The following PCDHA13 variants were observed in gnomAD, a reference collection of about 807,000 sequenced individuals.
PCDHA13 encodes the protein protocadherin alpha-13.
In PCDHA13, 54 loss-of-function variants were observed where a neutral mutation model predicts 64.8. The observed-to-expected ratio is 0.83, with a 90% CI of 0.67 to 1.04. The LOEUF (loss-of-function observed/expected upper bound fraction) is 1.04. Among genes scored for constraint, PCDHA13 ranks in the 50% least tolerant of loss-of-function variants. PCDHA13 has a pLI of 0.00. For missense variants in PCDHA13, 1,248 were observed against 1,254.3 expected (o/e 0.99, Z 0.08); for synonymous variants, 587 against 564.4 (o/e 1.04, Z -0.57).
intron 1 of PCDHA13, chr5:140,929,943 A>C (rs996777609): frequency 1.3e-5 from 2 of 152,224 alleles, no homozygotes; most frequent in African/African-American, 4.8e-5. Flanking sequence ...TCTCTAGCCT[A>C]TACTTTTAAT....
At chr5:140,897,258 G>A (rs1008292814) in intron 1 of PCDHA13, among the ~76,000 whole-genome samples, 1 of 151,682 alleles carries the variant, frequency 6.6e-6, no homozygotes, top group African/African-American at 2.4e-5. Flanking sequence ...ATGTATACAT[G>A]TGCCATGCTG....
chr5:140,932,687 T>A (rs1285364025), intron 1 of PCDHA13, among the ~76,000 whole-genome samples: 2 of 151,810 alleles, frequency 1.3e-5, no homozygotes, highest in Non-Finnish European at 2.9e-5. Context: ...TATATTCAAA[T>A]TAAAAAACTC....
intron 1 of PCDHA13, among the ~76,000 whole-genome samples, chr5:140,946,403 CATAGAA>C (rs1425933072): frequency 1.3e-5 from 2 of 151,512 alleles, no homozygotes; most frequent in African/African-American, 2.4e-5. Flanking sequence ...TTAGTACAAT[CATAGAA>C]AACAATATGG....
At chr5:140,897,833 C>T (rs1366388258) in intron 1 of PCDHA13, among the ~76,000 whole-genome samples, 14 of 152,138 alleles carry the variant, frequency 9.2e-5, no homozygotes, top group African/African-American at 3.4e-4. Flanking sequence ...TATTTCTCCA[C>T]ATCCTCTCCA....
intron 1 of PCDHA13, among the ~76,000 whole-genome samples, chr5:140,909,018 A>AT: frequency 6.6e-6 from 1 of 152,230 alleles, no homozygotes; most frequent in East Asian, 1.9e-4. Context: ...AGGTTCCTGA[A>AT]TTTTAGTCAT....
chr5:140,886,373 G>A (rs2060960480), intron 1 of PCDHA13, among the ~76,000 whole-genome samples: 2 of 152,042 alleles, frequency 1.3e-5, no homozygotes. Context: ...ACATGCCATG[G>A]TGTGCTTATC....
At chr5:140,886,107 G>T (rs1340579685) in intron 1 of PCDHA13, among the ~76,000 whole-genome samples, 2 of 152,142 alleles carry the variant, frequency 1.3e-5, no homozygotes, top group Non-Finnish European at 2.9e-5. Flanking sequence ...ATACAGTAAA[G>T]AAGTAACATA....
At chr5:140,917,354 G>T (rs148449289) in intron 1 of PCDHA13, among the ~76,000 whole-genome samples, 7 of 143,854 alleles carry the variant, frequency 4.9e-5, no homozygotes, top group African/African-American at 1.8e-4. Flanking sequence ...GTAGGCTTCT[G>T]TTCCACTATC....
rs1215041869 is a variant in PCDHA13, at chr5:141,010,411, G to T, written c.*474G>T. ...TGAGACGAGCCAGCTTAGACTAATT[G>T]GTACAAGGAAGGCAAGAAAACAAAG... On this transcript the variant is annotated 3_prime_UTR_variant, in exon 4 of 4. Transcript: ENST00000289272. 4.1e-6 allele frequency: 5 copies of T among 1,224,236 alleles called. No individual in the cohort carries two copies. The highest frequency in any genetic ancestry group is 4.4e-6 in the Non-Finnish European group (4 of 905,798). The allele number at this position is 1,224,236 out of a possible 1,614,324, so 75.8% of individuals were successfully genotyped here. A position where few individuals can be genotyped will look rare whatever the true frequency, so the allele number is the denominator to read the frequency against.
rs548122977 is a variant in PCDHA13 at position 141,010,588 on chromosome 5, T to C, written c.*651T>C. ...AGGCTTTAGGAGACCCTAAAGTCTG[T>C]TGGCTGTGACGTCATTATACCTAAA... On this transcript the variant is annotated 3_prime_UTR_variant, in exon 4 of 4. Coordinates refer to ENST00000289272, the MANE Select transcript of PCDHA13 (RefSeq NM_018904.3). 5 of 233,334 alleles carry C rather than the reference T, an allele frequency of 2.1e-5. No individual in the cohort carries two copies. In the East Asian group the frequency reaches 4.8e-4, roughly 22 times the overall value. 14.5% of individuals were successfully genotyped at this position (233,334 alleles called of 1,614,324 possible).
intron 1 of PCDHA13, among the ~76,000 whole-genome samples, chr5:140,891,122 G>A (rs572236105): frequency 1.3e-5 from 2 of 152,256 alleles, no homozygotes; most frequent in African/African-American, 4.8e-5. Flanking sequence ...CAATCTAAAT[G>A]TCATTCCTTT....
chr5:140,898,794 T>C (rs1487494121), intron 1 of PCDHA13, among the ~76,000 whole-genome samples: 4 of 152,236 alleles, frequency 2.6e-5, no homozygotes, highest in Non-Finnish European at 4.4e-5. Context: ...ATGGCCATTT[T>C]CACGATACTG....
intron 3 of PCDHA13, among the ~76,000 whole-genome samples, chr5:140,997,511 G>T (rs565737825): frequency 6.6e-6 from 1 of 151,992 alleles, no homozygotes; most frequent in Non-Finnish European, 1.5e-5. Flanking sequence ...ATACCTAAAC[G>T]CAGAAAAAGT....
chr5:140,904,170 A>T (rs2070892349), intron 1 of PCDHA13, among the ~76,000 whole-genome samples: 1 of 151,964 alleles, frequency 6.6e-6, no homozygotes. Context: ...GTAGTCTTTT[A>T]TTCCTCACCC....
chr5:140,935,894 C>CTTT lies in PCDHA13; in HGVS notation c.2395-43041_2395-43039dup, dbSNP rs55841305. Among the ~76,000 whole-genome samples, 1,154 of 136,734 alleles carry CTTT rather than the reference C, an allele frequency of 8.4e-3. 14 individuals carry two copies. Among genetic ancestry groups the CTTT allele is most frequent in the East Asian group, 0.025 (118 of 4,726 alleles). 89.7% of individuals were successfully genotyped at this position (136,734 alleles called of 152,430 possible). On this transcript the variant is annotated intron_variant, in intron 1 of 3. Coordinates refer to ENST00000289272, the MANE Select transcript of PCDHA13 (RefSeq NM_018904.3). ...ATGAGCTCCAATTTATCAATATTAT[C>CTTT]TTTTTTTTTTTTTTTTGAGACAGAT...
intron 1 of PCDHA13, chr5:140,928,385 T>G: frequency 6.2e-7 from 1 of 1,614,046 alleles, no homozygotes; most frequent in Middle Eastern, 1.7e-4. Flanking sequence ...TCTAGCTTGC[T>G]GGCAGTGGAA....
At position 140,906,503 on chromosome 5, in the gene PCDHA13, AAAG is replaced by A. The variant is rs537708204; in HGVS notation, c.2394+21845_2394+21847del. Among the ~76,000 whole-genome samples the A allele has an allele frequency of 2.0e-5, 3 of 152,376 alleles. No homozygotes were observed. The South Asian group carries it at 6.2e-4, about 32-fold the overall frequency. On this transcript the variant is annotated intron_variant, in intron 1 of 3. Transcript: ENST00000289272. The stretch of plus-strand genomic sequence containing the variant: ...ATAAATGCACAAACATGTTTTTAAC[AAAG>A]AAGGAGGAAATACTCACGACAATTA...
chr5:140,928,616 G>A, intron 1 of PCDHA13: 2 of 1,614,226 alleles, frequency 1.2e-6, no homozygotes, highest in Non-Finnish European at 8.5e-7. Flanking sequence ...CGCTCTGCCA[G>A]GACTGGACAC....
chr5:141,009,863 A>G lies in PCDHA13; in HGVS notation c.2779A>G (p.Lys927Glu). 1 of 1,614,104 alleles carries G rather than the reference A, an allele frequency of 6.2e-7. No homozygotes were observed. Among genetic ancestry groups the G allele is most frequent in the Non-Finnish European group, 8.5e-7 (1 of 1,180,006 alleles). Residue 927 changes from lysine to glutamate, a missense_variant, in exon 4 of 4, where the codon AAA becomes GAA. Coordinates refer to ENST00000289272, the MANE Select transcript of PCDHA13 (RefSeq NM_018904.3). ...GKKEETKKKK[K>E]KKKGNKTQEK... ...AAAGGAGGAGACCAAGAAAAAGAAG[A>G]AAAAGAAGAAGGGTAACAAGACCCA...
Sources: allele counts gnomAD v4.1 joint callset (sites outside exome capture counted in the v4.1 genomes callset), GRCh38; gene constraint gnomAD v4.1.1; transcripts MANE v1.5; gene names NCBI Gene and HGNC (gene_info 2026-07-23, HGNC 2026-07-21).